Variants in CFAP299 observed in about 807,000 individuals in gnomAD.
CFAP299 encodes the protein cilia and flagella associated protein 299.
Under a neutral mutation model 27.0 loss-of-function variants are expected in CFAP299, and 21 were observed. The ratio of observed to expected loss-of-function variants is 0.78; its 90% confidence interval spans 0.55 to 1.12. The LOEUF is 1.12. CFAP299 is among the 50% of genes most tolerant of loss of function. The pLI is 0.00. For synonymous variants in CFAP299, 104 were observed against 98.1 expected (o/e 1.06, Z -0.36); for missense variants, 310 against 276.6 (o/e 1.12, Z -0.86).
rs373535625 is a variant in CFAP299, at chr4:80,581,246, G to A, written c.243-1847G>A. ...ATGTAGATTTTCTAAACAAGCAACT[G>A]ACAAAATTACTTTTCTGTTTTAAAC... On this transcript the variant is annotated intron_variant, in intron 2 of 5. Transcript: ENST00000358105. Among the ~76,000 whole-genome samples the A allele has an allele frequency of 2.6e-5, 4 of 151,438 alleles. No individual in the cohort carries two copies. The East Asian group carries it at 7.7e-4, about 29-fold the overall frequency.
At chr4:80,924,514 A>ATG (rs35374483) in intron 4 of CFAP299, among the ~76,000 whole-genome samples, 14,956 of 137,210 alleles carry the variant, frequency 0.11, 838 homozygotes, top group East Asian at 0.19. Context: ...ACAATTCATT[A>ATG]TGTGTGTGTG....
chr4:80,694,465 G>A (rs1302950720), intron 3 of CFAP299, among the ~76,000 whole-genome samples: 1 of 152,128 alleles, frequency 6.6e-6, no homozygotes, highest in Non-Finnish European at 1.5e-5. Context: ...TCTCAACTTT[G>A]ATGACTAACA....
intron 3 of CFAP299, among the ~76,000 whole-genome samples, chr4:80,780,688 C>T (rs962869404): frequency 6.6e-6 from 1 of 151,804 alleles, no homozygotes; most frequent in Admixed American, 6.6e-5. Flanking sequence ...ATACATAGGA[C>T]TATTGCTAAT....
chr4:80,351,928 A>G (rs949077024), intron 1 of CFAP299, among the ~76,000 whole-genome samples: 3 of 150,704 alleles, frequency 2.0e-5, no homozygotes, highest in Non-Finnish European at 4.4e-5. Flanking sequence ...TTAATTTTAT[A>G]TTAACATTAA....
At chr4:80,537,918 T>C (rs1578569059) in intron 2 of CFAP299, among the ~76,000 whole-genome samples, 4 of 152,308 alleles carry the variant, frequency 2.6e-5, no homozygotes, top group Admixed American at 2.6e-4. Flanking sequence ...AAACATCATG[T>C]TCTATGCTGA....
chr4:80,798,818 A>G lies in CFAP299; in HGVS notation c.334-71175A>G, dbSNP rs991834365. Among the ~76,000 whole-genome samples the G allele has an allele frequency of 2.6e-5, 4 of 151,924 alleles. No homozygotes were observed. The Admixed American group carries it at 2.6e-4, about 10-fold the overall frequency. ...GTTTTATGTATAGAGTCACTAAACT[A>G]CCTGCCTCTCACGAGCAGTGAATCA... On this transcript the variant is annotated intron_variant, in intron 3 of 5. Transcript: ENST00000358105.
At chr4:80,607,889 A>G (rs902075715) in intron 3 of CFAP299, among the ~76,000 whole-genome samples, 3 of 152,190 alleles carry the variant, frequency 2.0e-5, no homozygotes, top group Non-Finnish European at 4.4e-5. Flanking sequence ...ATGGTCATGA[A>G]TCTTTCATAG....
In CFAP299 at chr4:80,376,451, G is replaced by A. The variant is rs192203468; in HGVS notation, c.242+13567G>A. On this transcript the variant is annotated intron_variant, in intron 2 of 5. Coordinates refer to ENST00000358105, the MANE Select transcript of CFAP299 (RefSeq NM_152770.3). ...TATCCAGGAATGTGATTACTGATTC[G>A]TGTGGCAGCTGTATATTTAATTTTA... 1.0e-3 allele frequency among the ~76,000 whole-genome samples: 153 copies of A among 152,054 alleles called. No homozygotes were observed. The Middle Eastern group carries it at 0.014, about 14-fold the overall frequency.
chr4:80,845,404 T>A (rs1485164984), intron 3 of CFAP299, among the ~76,000 whole-genome samples: 1 of 152,166 alleles, frequency 6.6e-6, no homozygotes, highest in Non-Finnish European at 1.5e-5. Context: ...TTGAAAGCCA[T>A]TATTAGAACC....
the CFAP299 span, among the ~76,000 whole-genome samples, chr4:80,329,526 G>A: frequency 1.3e-5 from 2 of 152,116 alleles, no homozygotes; most frequent in Non-Finnish European, 2.9e-5. Flanking sequence ...CAATAAGTGA[G>A]ATTGAGTAGG....
At chr4:80,458,183 TGGGCGCCCCC>T (rs1483432359) in intron 2 of CFAP299, among the ~76,000 whole-genome samples, 1 of 152,174 alleles carries the variant, frequency 6.6e-6, no homozygotes, top group Non-Finnish European at 1.5e-5. Context: ...CAATAACAAA[TGGGCGCCCCC>T]AAAATTCAAG....
chr4:80,361,483 T>G (rs775642347), intron 1 of CFAP299, among the ~76,000 whole-genome samples: 5 of 152,172 alleles, frequency 3.3e-5, no homozygotes, highest in Non-Finnish European at 5.9e-5. Context: ...GCATTGGTAT[T>G]TCTATTAAAG....
chr4:80,743,231 A>C (rs1412988646), intron 3 of CFAP299, among the ~76,000 whole-genome samples: 1 of 152,026 alleles, frequency 6.6e-6, no homozygotes, highest in Non-Finnish European at 1.5e-5. Flanking sequence ...CCCTGTCTCT[A>C]CTAAAAATAC....
Position 80,912,704 on chromosome 4 carries a change from A to ACCCCAAAT in CFAP299, c.477-32104_477-32097dup, listed in dbSNP as rs1275101076. On this transcript the variant is annotated intron_variant, in intron 4 of 5. Coordinates refer to ENST00000358105, the MANE Select transcript of CFAP299 (RefSeq NM_152770.3). ...GTTCTGTGTCTGATATGTCAGAATCACCCCAAATCAAGTTTCAGCCCCATT... is the reference window on the plus strand; with the variant it reads ...GTTCTGTGTCTGATATGTCAGAATCACCCCAAATCCCCAAATCAAGTTTCAGCCCCATT... Among the ~76,000 whole-genome samples, 29 of 152,202 alleles carry ACCCCAAAT rather than the reference A, an allele frequency of 1.9e-4. No homozygotes were observed. The South Asian group carries it at 5.4e-3, about 28-fold the overall frequency.
intron 2 of CFAP299, among the ~76,000 whole-genome samples, chr4:80,554,545 G>A (rs1457515989): frequency 7.4e-6 from 1 of 135,224 alleles, no homozygotes; most frequent in African/African-American, 2.9e-5. Context: ...GAATGTCATT[G>A]GTAGTTTGGT....
At chr4:80,882,632 C>T (rs1462504214) in intron 4 of CFAP299, among the ~76,000 whole-genome samples, 1 of 138,938 alleles carries the variant, frequency 7.2e-6, no homozygotes, top group African/African-American at 3.0e-5. Flanking sequence ...AGCGAGACTC[C>T]GTCTCAAAAA....
chr4:80,388,189 C>T, intron 2 of CFAP299: 1 of 691,874 alleles, frequency 1.4e-6, no homozygotes, highest in Non-Finnish European at 2.7e-6. Context: ...GGGGTGAAGG[C>T]TAGGTGAGGT....
chr4:80,491,508 T>C (rs1560591602), intron 2 of CFAP299, among the ~76,000 whole-genome samples: 1 of 152,172 alleles, frequency 6.6e-6, no homozygotes, highest in Non-Finnish European at 1.5e-5. Context: ...TTTAAAGGAA[T>C]TTTTTGTTGT....
chr4:80,658,674 G>GT (rs1298346792), intron 3 of CFAP299, among the ~76,000 whole-genome samples: 1 of 152,106 alleles, frequency 6.6e-6, no homozygotes, highest in Non-Finnish European at 1.5e-5. Flanking sequence ...GTGAACTTTA[G>GT]TAAGTGGTTT....
Sources: allele counts gnomAD v4.1 joint callset (sites outside exome capture counted in the v4.1 genomes callset), GRCh38; gene constraint gnomAD v4.1.1; transcripts MANE v1.5; gene names NCBI Gene and HGNC (gene_info 2026-07-23, HGNC 2026-07-21).